The following PARD3B variants were observed in gnomAD, a reference collection of about 807,000 sequenced individuals.
The protein encoded by PARD3B is partitioning defective 3 homolog B.
PARD3B carries 103 observed loss-of-function variants against 130.2 expected under a neutral mutation model. The ratio of observed to expected loss-of-function variants is 0.79; its 90% confidence interval spans 0.67 to 0.93. The LOEUF (loss-of-function observed/expected upper bound fraction) is 0.93. Ranked by LOEUF, PARD3B falls within the 40% of genes least tolerant of loss-of-function variation. PARD3B has a pLI of 0.00. For synonymous variants in PARD3B, 583 were observed against 553.2 expected, an observed-to-expected ratio of 1.05 and a Z score of -0.76; for missense variants, 1,609 against 1,499.2, an observed-to-expected ratio of 1.07 and a Z score of -1.21.
intron 20 of PARD3B, among the ~76,000 whole-genome samples, chr2:205,469,589 A>T (rs2048753176): frequency 6.6e-6 from 1 of 152,190 alleles, no homozygotes. Context: ...TACTGTCCAG[A>T]AACTATAGTC....
intron 2 of PARD3B, among the ~76,000 whole-genome samples, chr2:204,690,788 T>C (rs951783089): frequency 1.3e-5 from 2 of 152,152 alleles, no homozygotes; most frequent in African/African-American, 4.8e-5. Context: ...TCTTTTCCCA[T>C]TTTAACTTTT....
chr2:205,067,798 C>T (rs564332189), intron 4 of PARD3B, among the ~76,000 whole-genome samples: 4 of 152,224 alleles, frequency 2.6e-5, no homozygotes, highest in Non-Finnish European at 5.9e-5. Flanking sequence ...CTGAAAGCAG[C>T]GTAATTCCAT....
At chr2:205,400,049 C>T (rs897064746) in intron 18 of PARD3B, among the ~76,000 whole-genome samples, 2 of 152,116 alleles carry the variant, frequency 1.3e-5, no homozygotes, top group Admixed American at 1.3e-4. Context: ...TCAATAAGGC[C>T]TCTCGTGGCA....
At position 205,615,474 on chromosome 2, in the gene PARD3B, T is replaced by C. The variant is rs1054527500; in HGVS notation, c.3279T>C (p.Pro1093=). Residue 1093 remains proline, a synonymous_variant, in exon 23 of 23, where the codon CCT becomes CCC. Coordinates refer to ENST00000406610, the MANE Select transcript of PARD3B (RefSeq NM_001302769.2). ...TTTCCAGGGGAGGACCCGCAGATCC[T>C]GTAGACTATCTGCCAGCAGCACCTC... ...ASLPRGGPAD[P]VDYLPAAPRG... 1 of 1,608,100 alleles carries C rather than the reference T, an allele frequency of 6.2e-7. No individual in the cohort carries two copies. Among genetic ancestry groups the C allele is most frequent in the East Asian group, 2.2e-5 (1 of 44,804 alleles).
At chr2:204,708,747 A>G (rs895227731) in intron 2 of PARD3B, among the ~76,000 whole-genome samples, 4 of 152,196 alleles carry the variant, frequency 2.6e-5, no homozygotes, top group Admixed American at 6.5e-5. Context: ...AGGGCATAGT[A>G]TGTTCTTTTA....
rs777115456 is a variant in PARD3B at position 204,907,664 on chromosome 2, T to G, written c.223-57488T>G. ...TTATAAGACTTTCTTGACATGTTAC[T>G]TCATGGGCTTGTTTCTATAAAGAGT... On this transcript the variant is annotated intron_variant, in intron 2 of 22. Coordinates refer to ENST00000406610, the MANE Select transcript of PARD3B (RefSeq NM_001302769.2). This position sits in a 1 kb window ranked among gnomAD's most constrained non-coding sequence, Gnocchi z 5.7. Among the ~76,000 whole-genome samples, 80 of 152,260 alleles carry G rather than the reference T, an allele frequency of 5.3e-4. No individual in the cohort carries two copies. Among genetic ancestry groups the G allele is most frequent in the African/African-American group, 1.1e-3 (45 of 41,540 alleles).
intron 2 of PARD3B, among the ~76,000 whole-genome samples, chr2:204,951,664 G>A (rs1011914663): frequency 6.6e-6 from 1 of 152,080 alleles, no homozygotes; most frequent in Admixed American, 6.5e-5. Context: ...AATAAAATAA[G>A]TATTAAGTTT....
intron 1 of PARD3B, among the ~76,000 whole-genome samples, chr2:204,580,689 T>C (rs2032508787): frequency 6.6e-6 from 1 of 152,188 alleles, no homozygotes; most frequent in African/African-American, 2.4e-5. Flanking sequence ...AAAAATGTGC[T>C]ATATAAGTAT....
In PARD3B at chr2:205,116,442, C is replaced by G. The variant is rs143266995; in HGVS notation, c.681-2479C>G. On this transcript the variant is annotated intron_variant, in intron 6 of 22. Transcript: ENST00000406610. This position sits in a 1 kb window ranked among gnomAD's most constrained non-coding sequence, Gnocchi z 4.5. ...AGGGGGCAAGGAGAAGATGTTGGTG[C>G]CTAAATGATAATTAGAAGAGCAAGA... Among the ~76,000 whole-genome samples, 285 of 152,194 alleles carry G rather than the reference C, an allele frequency of 1.9e-3. 1 individual carries two copies. Among genetic ancestry groups the G allele is most frequent in the African/African-American group, 6.4e-3 (267 of 41,530 alleles).
chr2:204,553,382 G>A (rs544535183), intron 1 of PARD3B, among the ~76,000 whole-genome samples: 14 of 151,748 alleles, frequency 9.2e-5, no homozygotes, highest in African/African-American at 3.4e-4. Flanking sequence ...CATTTGATCC[G>A]GCAATCCCAC....
intron 19 of PARD3B, among the ~76,000 whole-genome samples, chr2:205,410,213 T>G (rs2046550544): frequency 6.6e-6 from 1 of 152,216 alleles, no homozygotes; most frequent in Admixed American, 6.5e-5. Context: ...TTGAGTGTCA[T>G]GTCAGCCCTC....
At chr2:205,353,666 G>C (rs745928603) in intron 18 of PARD3B, among the ~76,000 whole-genome samples, 15 of 152,264 alleles carry the variant, frequency 9.9e-5, no homozygotes, top group Non-Finnish European at 1.5e-4. Flanking sequence ...CAAGACTGGG[G>C]CCTGGAGAAG....
Position 205,162,462 on chromosome 2 carries a change from A to G in PARD3B, c.1620+3555A>G, listed in dbSNP as rs849114. On this transcript the variant is annotated intron_variant, in intron 11 of 22. Transcript: ENST00000406610. Reference sequence around the variant, plus strand: ...ATTGCTTCTTAGAGTATTGATGCCAATGTGCCTAAGCACTAGCATGCATTA... The same window carrying G: ...ATTGCTTCTTAGAGTATTGATGCCAGTGTGCCTAAGCACTAGCATGCATTA... 8.3e-3 allele frequency among the ~76,000 whole-genome samples: 1,258 copies of G among 152,368 alleles called. 22 individuals carry two copies. The highest frequency in any genetic ancestry group is 0.029 in the African/African-American group (1,190 of 41,596).
intron 21 of PARD3B, among the ~76,000 whole-genome samples, chr2:205,522,424 A>G (rs1277025849): frequency 6.6e-6 from 1 of 152,012 alleles, no homozygotes; most frequent in Non-Finnish European, 1.5e-5. Context: ...TCTGTAGTCA[A>G]GGACAGCGAC....
In PARD3B at chr2:204,678,694, GTC is replaced by G. The variant is rs372675159; in HGVS notation, c.121-7481_121-7480del. On this transcript the variant is annotated intron_variant, in intron 1 of 22. Coordinates refer to ENST00000406610, the MANE Select transcript of PARD3B (RefSeq NM_001302769.2). This position sits in a 1 kb window ranked among gnomAD's most constrained non-coding sequence, Gnocchi z 4.2. Reference sequence around the variant, plus strand: ...TTCTCCTCTCGATGTTCAGCCGCTTGTCTCTCTGCCAGCTGAGCTCTGAGGTT... The same window carrying G: ...TTCTCCTCTCGATGTTCAGCCGCTTGTCTCTGCCAGCTGAGCTCTGAGGTT... Among the ~76,000 whole-genome samples the G allele has an allele frequency of 1.3e-4, 20 of 152,202 alleles. No individual in the cohort carries two copies. In the East Asian group the frequency reaches 1.9e-3, roughly 15 times the overall value.
At chr2:205,211,988 G>A (rs112973885) in intron 15 of PARD3B, among the ~76,000 whole-genome samples, 2 of 152,152 alleles carry the variant, frequency 1.3e-5, no homozygotes, top group African/African-American at 4.8e-5. Flanking sequence ...CACCCAAATT[G>A]AAGGAAAAAT....
In PARD3B at chr2:204,664,891, C is replaced by T. The variant is rs2035957944; in HGVS notation, c.121-21290C>T. Among the ~76,000 whole-genome samples the T allele has an allele frequency of 6.6e-6, 1 of 152,058 alleles. No individual in the cohort carries two copies. The highest frequency in any genetic ancestry group is 1.5e-5 in the Non-Finnish European group (1 of 68,018). ...CCTTTTCTTTCATCTCATTCTTTAC[C>T]ATGTTTGTTGGGCATTAGTTTAAAA... On this transcript the variant is annotated intron_variant, in intron 1 of 22. Coordinates refer to ENST00000406610, the MANE Select transcript of PARD3B (RefSeq NM_001302769.2). This position sits in a 1 kb window ranked among gnomAD's most constrained non-coding sequence, Gnocchi z 5.2.
intron 14 of PARD3B, 124 bp from the exon 15 acceptor site, chr2:205,193,081 T>A (rs774205070): frequency 2.3e-5 from 14 of 614,040 alleles, no homozygotes; most frequent in Non-Finnish European, 4.1e-5. Flanking sequence ...AAGAATTAGT[T>A]GAAAATATGT....
At chr2:205,545,240 A>T (rs1386179635) in intron 21 of PARD3B, among the ~76,000 whole-genome samples, 7 of 152,212 alleles carry the variant, frequency 4.6e-5, no homozygotes, top group Non-Finnish European at 1.0e-4. Context: ...CATTTCCCTT[A>T]GTTCCCCTAG....
Sources: gnomAD v4.1 joint callset for allele counts (sites outside exome capture counted in the v4.1 genomes callset) on GRCh38, gnomAD v4.1.1 for gene constraint, Gnocchi (gnomAD v3.1) non-coding constraint, MANE v1.5 for transcripts, NCBI Gene and HGNC (gene_info 2026-07-23, HGNC 2026-07-21) for gene names.